The following BCKDHB variants were observed in gnomAD, a reference collection of about 807,000 sequenced individuals.
BCKDHB encodes the protein 2-oxoisovalerate dehydrogenase subunit beta, mitochondrial.
Under a neutral mutation model 48.5 loss-of-function variants are expected in BCKDHB, and 41 were observed. That is an observed-to-expected ratio of 0.85 (90% confidence interval 0.66 to 1.10). The LOEUF is 1.10. Among genes scored for constraint, BCKDHB ranks in the 50% least tolerant of loss-of-function variants. The probability of loss-of-function intolerance (pLI) is 0.00; values close to 1 mark genes in which losing one functional copy is unlikely to be tolerated. For missense variants in BCKDHB, 496 were observed against 494.2 expected, an observed-to-expected ratio of 1.00 and a Z score of -0.03; for synonymous variants, 201 against 174.8, an observed-to-expected ratio of 1.15 and a Z score of -1.18.
chr6:80,199,397 A>G (rs1774277429), intron 6 of BCKDHB, among the ~76,000 whole-genome samples: 1 of 152,154 alleles, frequency 6.6e-6, no homozygotes, highest in Non-Finnish European at 1.5e-5. Context: ...TTGAATATAC[A>G]TATATAATAA....
the BCKDHB span, among the ~76,000 whole-genome samples, chr6:80,407,259 C>A: frequency 3.3e-5 from 5 of 152,104 alleles, no homozygotes; most frequent in Admixed American, 1.3e-4. Context: ...GTTACTGTAG[C>A]CTTGTAGCAT....
At chr6:80,188,767 C>A (rs1316144364) in intron 6 of BCKDHB, among the ~76,000 whole-genome samples, 1 of 152,116 alleles carries the variant, frequency 6.6e-6, no homozygotes, top group East Asian at 1.9e-4. Flanking sequence ...TATGGCAAAC[C>A]TGCACATGTA....
At chr6:80,235,687 G>C (rs1203254252) in intron 8 of BCKDHB, among the ~76,000 whole-genome samples, 1 of 152,162 alleles carries the variant, frequency 6.6e-6, no homozygotes, top group Non-Finnish European at 1.5e-5. Context: ...TATTTGTGTG[G>C]AATAAAAATT....
the BCKDHB span, among the ~76,000 whole-genome samples, chr6:80,381,928 G>GCA: frequency 5.3e-5 from 7 of 132,696 alleles, no homozygotes; most frequent in African/African-American, 2.0e-4. Flanking sequence ...AACCTAAAAC[G>GCA]GTAAACTTGT....
rs1404456505 is a variant in BCKDHB, at chr6:80,115,423, A to T, written c.196+8534A>T. 2.0e-5 allele frequency among the ~76,000 whole-genome samples: 3 copies of T among 152,152 alleles called. No homozygotes were observed. In the East Asian group the frequency reaches 5.8e-4, roughly 29 times the overall value. On this transcript the variant is annotated intron_variant, in intron 1 of 9. Transcript: ENST00000320393. ...CTTAGTAGAGTTTAGAATAAGATAG[A>T]GGTACATACCTGGTCAATAGAAAGG... is the stretch of plus-strand genomic sequence containing the variant.
chr6:80,216,036 G>A (rs955071259), intron 8 of BCKDHB, among the ~76,000 whole-genome samples: 2 of 152,158 alleles, frequency 1.3e-5, no homozygotes, highest in South Asian at 2.1e-4. Context: ...CACCGTGCCC[G>A]GCCAATGTAT....
At chr6:80,360,710 T>A in the BCKDHB span, among the ~76,000 whole-genome samples, 3 of 152,078 alleles carry the variant, frequency 2.0e-5, no homozygotes, top group Admixed American at 2.0e-4. Context: ...ACTCTAGGAC[T>A]TATAAGAATT....
At chr6:80,146,286 G>C (rs1299366839) in intron 3 of BCKDHB, among the ~76,000 whole-genome samples, 8 of 152,082 alleles carry the variant, frequency 5.3e-5, no homozygotes, top group Non-Finnish European at 1.2e-4. Flanking sequence ...TTACATGGAA[G>C]TAAAATAACA....
intron 3 of BCKDHB, among the ~76,000 whole-genome samples, chr6:80,160,268 T>C (rs1772248361): frequency 6.6e-6 from 1 of 152,166 alleles, no homozygotes; most frequent in African/African-American, 2.4e-5. Context: ...GCGATTCTCC[T>C]GCCTCAGCCT....
intron 8 of BCKDHB, among the ~76,000 whole-genome samples, chr6:80,227,687 G>C (rs1337061149): frequency 1.3e-5 from 2 of 152,138 alleles, no homozygotes; most frequent in Non-Finnish European, 2.9e-5. Flanking sequence ...CTGTTCTTAG[G>C]TATGTGACCG....
chr6:80,305,787 C>T (rs1298162626), intron 9 of BCKDHB, among the ~76,000 whole-genome samples: 1 of 152,126 alleles, frequency 6.6e-6, no homozygotes, highest in African/African-American at 2.4e-5. Flanking sequence ...ACCATGGGAC[C>T]AGATGAGGTT....
chr6:80,174,816 G>A (rs1276736273), intron 6 of BCKDHB, among the ~76,000 whole-genome samples: 2 of 152,270 alleles, frequency 1.3e-5, no homozygotes, highest in East Asian at 3.9e-4. Flanking sequence ...CTTGATTAAA[G>A]CCTGTGGGAC....
At chr6:80,372,884 C>A in the BCKDHB span, among the ~76,000 whole-genome samples, 8 of 152,212 alleles carry the variant, frequency 5.3e-5, no homozygotes, top group East Asian at 1.5e-3. Context: ...TATCTATGTT[C>A]ATCAGGGATC....
In BCKDHB at chr6:80,273,222, G is replaced by T; in HGVS notation, c.1038+1G>T. On this transcript the variant is annotated splice_donor_variant, in intron 9 of 9. Coordinates refer to ENST00000320393, the MANE Select transcript of BCKDHB (RefSeq NM_183050.4). LOFTEE classifies it high-confidence loss of function. ...ATCGGAAATCAGCTCTACAGTTCAG[G>T]TAGAGTAATTTTTGGAACTGATTTC... is the stretch of plus-strand genomic sequence containing the variant. The T allele has an allele frequency of 6.2e-7, 1 of 1,612,906 alleles. No individual in the cohort carries two copies. Among genetic ancestry groups the T allele is most frequent in the East Asian group, 2.2e-5 (1 of 44,832 alleles).
At chr6:80,223,221 T>C (rs574601410) in intron 8 of BCKDHB, among the ~76,000 whole-genome samples, 1 of 152,322 alleles carries the variant, frequency 6.6e-6, no homozygotes, top group East Asian at 1.9e-4. Context: ...ATTTCTGTTC[T>C]ATATGCTGTG....
At chr6:80,154,860 C>T (rs935603742) in intron 3 of BCKDHB, among the ~76,000 whole-genome samples, 2 of 151,964 alleles carry the variant, frequency 1.3e-5, no homozygotes, top group Non-Finnish European at 2.9e-5. Flanking sequence ...GTTTCCTTTC[C>T]CCATACCCAT....
chr6:80,284,527 A>G (rs1766533181), intron 9 of BCKDHB, among the ~76,000 whole-genome samples: 1 of 152,154 alleles, frequency 6.6e-6, no homozygotes, highest in South Asian at 2.1e-4. Flanking sequence ...TTGAAGAGAC[A>G]TAACTTTTTT....
intron 8 of BCKDHB, among the ~76,000 whole-genome samples, chr6:80,243,413 A>T (rs566395552): frequency 1.3e-5 from 2 of 152,340 alleles, no homozygotes; most frequent in South Asian, 2.1e-4. Context: ...TATATAGCTG[A>T]TATAAGAAGA....
At chr6:80,389,566 C>T in the BCKDHB span, among the ~76,000 whole-genome samples, 1 of 152,218 alleles carries the variant, frequency 6.6e-6, no homozygotes, top group South Asian at 2.1e-4. Flanking sequence ...AATGCTTTAT[C>T]CACCATCATG....
Sources: gnomAD v4.1 joint callset for allele counts (sites outside exome capture counted in the v4.1 genomes callset) on GRCh38, gnomAD v4.1.1 for gene constraint, MANE v1.5 for transcripts, NCBI Gene and HGNC (gene_info 2026-07-23, HGNC 2026-07-21) for gene names.